Variants in ERICH1 observed in about 807,000 individuals in gnomAD.
The protein encoded by ERICH1 is glutamate-rich protein 1.
ERICH1 carries 56 observed loss-of-function variants against 39.6 expected under a neutral mutation model. That is an observed-to-expected ratio of 1.41 (90% CI 1.14 to 1.77). The LOEUF (loss-of-function observed/expected upper bound fraction) is 1.77, where lower values mean the gene tolerates loss of function less well. Among genes scored for constraint, ERICH1 ranks in the 40% most tolerant of loss-of-function variants. ERICH1 has a pLI of 0.00. For missense variants in ERICH1, 826 were observed against 575.4 expected (o/e 1.44, Z -4.45); for synonymous variants, 313 against 223.6 (o/e 1.40, Z -3.57).
At chr8:713,697 G>A (rs1391913158) in intron 2 of ERICH1, among the ~76,000 whole-genome samples, 1 of 152,158 alleles carries the variant, frequency 6.6e-6, no homozygotes, top group Non-Finnish European at 1.5e-5. Context: ...TGTGGGGCTG[G>A]AAGGTGATTT....
Position 692,591 on chromosome 8 carries a change from G to C in ERICH1, c.191C>G (p.Thr64Ser), listed in dbSNP as rs138131558. The C allele has an allele frequency of 6.2e-7, 1 of 1,604,870 alleles. No individual in the cohort carries two copies. The highest frequency in any genetic ancestry group is 8.5e-7 in the Non-Finnish European group (1 of 1,174,818). The change falls in exon 3 of 6, where the codon ACT becomes AGT. Residue 64 changes from threonine to serine, a missense_variant. Physicochemically the swap from Thr to Ser is moderately conservative, Grantham distance 58. Transcript: ENST00000262109. Reference sequence around the variant, plus strand: ...GCTGGCAGTGTAGAGCCGTCGGGCAGTCGGGGTCTCAGAGCCAGTGTCTGC... The same window carrying C: ...GCTGGCAGTGTAGAGCCGTCGGGCACTCGGGGTCTCAGAGCCAGTGTCTGC... ...PLTDTGSETP[T>S]ARRLYTASGP...
At chr8:615,909 C>G (rs1403670060) in intron 3 of ERICH1, 1 of 152,536 alleles carries the variant, frequency 6.6e-6, no homozygotes, top group Non-Finnish European at 1.5e-5. Flanking sequence ...TGGTCTCATG[C>G]AGCACAGAGA....
intron 3 of ERICH1, among the ~76,000 whole-genome samples, chr8:642,733 G>A (rs562575941): frequency 5.3e-5 from 8 of 152,224 alleles, no homozygotes; most frequent in Admixed American, 1.3e-4. Flanking sequence ...GATCTTGTGA[G>A]GCGCTGGCCC....
Position 648,617 on chromosome 8 carries a change from A to C in ERICH1, c.976+19981T>G, listed in dbSNP as rs1238221841. 2.9e-5 allele frequency among the ~76,000 whole-genome samples: 2 copies of C among 68,016 alleles called. 1 individual carries two copies. The highest frequency in any genetic ancestry group is 6.1e-4 in the East Asian group (2 of 3,278). The allele number at this position is 68,016 out of a possible 152,430, so 44.6% of individuals were successfully genotyped here. A position where few individuals can be genotyped will look rare whatever the true frequency, so the allele number is the denominator to read the frequency against. On this transcript the variant is annotated intron_variant, in intron 3 of 3. Transcript: ENST00000522706. ...GGTTCTACTCTTCACTCCAGCGTGCACTATGTGTGAACACGGGGCTGTCCT... is the reference window on the plus strand; with the variant it reads ...GGTTCTACTCTTCACTCCAGCGTGCCCTATGTGTGAACACGGGGCTGTCCT...
downstream of ERICH1, among the ~76,000 whole-genome samples, chr8:660,846 C>T (rs1325562639): frequency 6.6e-6 from 1 of 152,056 alleles, no homozygotes; most frequent in Admixed American, 6.5e-5. Context: ...CGGCCATGAG[C>T]TATATGGGAC....
At chr8:641,560 G>A (rs560770514) in intron 3 of ERICH1, among the ~76,000 whole-genome samples, 24 of 152,300 alleles carry the variant, frequency 1.6e-4, no homozygotes, top group Admixed American at 1.0e-3. Context: ...ATTCCACATC[G>A]AAAGACCTTT....
intron 1 of ERICH1, among the ~76,000 whole-genome samples, chr8:730,921 C>G (rs763497810): frequency 1.3e-5 from 2 of 152,052 alleles, no homozygotes; most frequent in Non-Finnish European, 2.9e-5. Context: ...AGGGCCGGCC[C>G]GACCAGCAGC....
At chr8:722,086 TG>T (rs2132416017) in intron 1 of ERICH1, among the ~76,000 whole-genome samples, 1 of 151,730 alleles carries the variant, frequency 6.6e-6, no homozygotes, top group East Asian at 2.0e-4. Context: ...AGCCTGAGGC[TG>T]GTTCCATTCT....
chr8:617,365 A>T (rs1367960346), intron 3 of ERICH1, among the ~76,000 whole-genome samples: 3 of 152,096 alleles, frequency 2.0e-5, no homozygotes, highest in African/African-American at 7.2e-5. Context: ...TCATGGCTCC[A>T]TGCCTGCCTC....
downstream of ERICH1, among the ~76,000 whole-genome samples, chr8:662,693 G>A (rs544692281): frequency 8.3e-4 from 127 of 152,294 alleles, no homozygotes; most frequent in African/African-American, 2.9e-3. Flanking sequence ...GCATTTAAAC[G>A]GGAGGTTTGC....
intron 3 of ERICH1, chr8:640,510 G>A (rs1045714476): frequency 2.0e-5 from 3 of 152,196 alleles, no homozygotes; most frequent in Admixed American, 1.3e-4. Context: ...TCCTAATTCT[G>A]TTCTGGTAGA....
chr8:687,131 C>T (rs1047040960), intron 3 of ERICH1, among the ~76,000 whole-genome samples: 11 of 152,198 alleles, frequency 7.2e-5, no homozygotes, highest in Non-Finnish European at 1.5e-4. Flanking sequence ...CTTCCAGAAG[C>T]CGTGAAGTTA....
At chr8:701,850 G>C (rs771375806) in intron 2 of ERICH1, among the ~76,000 whole-genome samples, 6 of 152,088 alleles carry the variant, frequency 3.9e-5, no homozygotes, top group Non-Finnish European at 8.8e-5. Context: ...CCAGCACTTT[G>C]GGAGGCTGAG....
At chr8:700,346 TCCGCACACGCGCACAGGC>T (rs1811722017) in intron 2 of ERICH1, among the ~76,000 whole-genome samples, 1 of 4,142 alleles carries the variant, frequency 2.4e-4, no homozygotes, top group African/African-American at 5.7e-4. Context: ...CGCGCACAGA[TCCGCACACGCGCACAGGC>T]CCGCACAGGC....
intron 3 of ERICH1, among the ~76,000 whole-genome samples, chr8:625,388 C>T (rs576870956): frequency 6.7e-4 from 102 of 152,258 alleles, no homozygotes; most frequent in Middle Eastern, 3.4e-3. Flanking sequence ...CAGGTAGTGT[C>T]GTGCCTGTCT....
At position 673,725 on chromosome 8, in the gene ERICH1, A is replaced by G. The variant is rs760310030; in HGVS notation, c.627T>C (p.Asp209=). ...GEGVGEACEE[D]GVDTSEEDPT... ...GGTCTTCCTCGCTGGTGTCCACACCATCCTCCTCACAAGCCTCTCCCACGC... is the reference window on the plus strand; with the variant it reads ...GGTCTTCCTCGCTGGTGTCCACACCGTCCTCCTCACAAGCCTCTCCCACGC... Residue 209 remains aspartate (D), a synonymous_variant, in exon 4 of 6, where the codon GAT becomes GAC. Transcript: ENST00000262109. The G allele has an allele frequency of 2.5e-6, 4 of 1,611,160 alleles. No homozygotes were observed. The South Asian group carries it at 3.3e-5, about 13-fold the overall frequency.
intron 3 of ERICH1, among the ~76,000 whole-genome samples, chr8:622,780 G>A (rs1026463825): frequency 5.9e-5 from 9 of 151,794 alleles, no homozygotes; most frequent in East Asian, 5.8e-4. Flanking sequence ...TAGTGAGACC[G>A]TGTCTCTATA....
intron 2 of ERICH1, among the ~76,000 whole-genome samples, chr8:703,459 T>G (rs978195256): frequency 1.3e-5 from 2 of 151,594 alleles, no homozygotes; most frequent in Admixed American, 6.6e-5. Flanking sequence ...AGCCTGGAAG[T>G]GGGGAGAAAA....
rs374468668 is a variant in ERICH1 at position 637,367 on chromosome 8, G to C, written c.977-22083C>G. ...TGATTCTGCGGCTCCTGGGCTACAC[G>C]TTCCTCTAGCCCCATGTGTCTCCTC... On this transcript the variant is annotated intron_variant, in intron 3 of 3. Transcript: ENST00000522706. Among the ~76,000 whole-genome samples, 21 of 152,310 alleles carry C rather than the reference G, an allele frequency of 1.4e-4. 1 individual carries two copies. In the South Asian group the frequency reaches 4.1e-3, roughly 30 times the overall value.
Sources: allele counts gnomAD v4.1 joint callset (sites outside exome capture counted in the v4.1 genomes callset), GRCh38; gene constraint gnomAD v4.1.1; transcripts MANE v1.5; gene names NCBI Gene and HGNC (gene_info 2026-07-23, HGNC 2026-07-21).